BLM: variants seen among roughly 807,000 people sequenced by gnomAD.
BLM encodes the protein recQ-like DNA helicase BLM.
A neutral mutation model predicts 135.3 loss-of-function variants in BLM; 95 were observed. That is an observed-to-expected ratio of 0.70 (90% confidence interval 0.59 to 0.83). The LOEUF (loss-of-function observed/expected upper bound fraction) is 0.83. Ranked by LOEUF, BLM falls within the 40% of genes least tolerant of loss-of-function variation. The pLI, the probability that BLM is intolerant of heterozygous loss-of-function variation, is 0.00. For synonymous variants in BLM, 520 were observed against 589.2 expected (o/e 0.88, Z 1.70); for missense variants, 1,518 against 1,663.9 (o/e 0.91, Z 1.53).
intron 12 of BLM, 104 bp downstream of exon 12, chr15:90,769,690 C>T: frequency 7.4e-7 from 1 of 1,353,802 alleles, no homozygotes; most frequent in South Asian, 1.3e-5. Flanking sequence ...CACCCCACCC[C>T]CACCCCACCC....
chr15:90,764,158 A>G (rs1440324045), intron 8 of BLM, among the ~76,000 whole-genome samples: 2 of 150,724 alleles, frequency 1.3e-5, no homozygotes. Context: ...AGGGCTTCCC[A>G]TTGTCCTTTA....
Position 90,760,625 on chromosome 15 carries a change from A to C in BLM, c.1252A>C (p.Lys418Gln). The C allele has an allele frequency of 6.2e-7, 1 of 1,612,144 alleles. No homozygotes were observed. The highest frequency in any genetic ancestry group is 8.5e-7 in the Non-Finnish European group (1 of 1,178,650). The change falls in exon 7 of 22, where the codon AAA becomes CAA. Residue 418 changes from lysine to glutamine, a missense_variant. By Grantham distance (53) the Lys-to-Gln change is moderately conservative. Transcript: ENST00000355112. ...RKLLTEVDFN[K>Q]SDASLLGSLW... ...ACTTCTAACGGAAGTAGATTTTAAT[A>C]AAAGTGATGCCAGTCTTCTTGGCTC...
chr15:90,749,650 G>A lies in BLM; in HGVS notation c.382G>A (p.Val128Ile), dbSNP rs1269873284. 1 of 1,614,132 alleles carries A rather than the reference G, an allele frequency of 6.2e-7. No homozygotes were observed. The highest frequency in any genetic ancestry group is 1.7e-5 in the Admixed American group (1 of 60,018). The change falls in exon 3 of 22, where the codon GTA (valine) becomes ATA (isoleucine). Residue 128 changes from valine (V) to isoleucine (I), a missense_variant. Coordinates refer to ENST00000355112, the MANE Select transcript of BLM (RefSeq NM_000057.4). Reference sequence around the variant, plus strand: ...ATGCACTACCCAAAACACACCAACTGTAAAGAAATCCCGGGATACTGCTCT... The same window carrying A: ...ATGCACTACCCAAAACACACCAACTATAAAGAAATCCCGGGATACTGCTCT... The part of the protein sequence containing the change: ...VVCTTQNTPT[V>I]KKSRDTALKK...
chr15:90,809,554 G>T (rs901475465), intron 20 of BLM, among the ~76,000 whole-genome samples: 6 of 152,184 alleles, frequency 3.9e-5, no homozygotes. Context: ...ACCAGTTCCA[G>T]ATCTGCCACC....
At position 90,749,811 on chromosome 15, in the gene BLM, C is replaced by A. The variant is rs761288442; in HGVS notation, c.543C>A (p.Ser181Arg). Residue 181 changes from serine to arginine, a missense_variant, in exon 3 of 22, where the codon AGC (serine) becomes AGA (arginine). Ser to Arg is a moderately radical substitution (Grantham distance 110, BLOSUM62 -1). Around this residue, in one of 5 missense-constraint regions of BLM, gnomAD observed 724 missense variants for 756.9 expected, o/e 0.96. Transcript: ENST00000355112. Reference sequence around the variant, plus strand: ...CCCAAAGTCACTTTGTAAGAGTAAGCACTGCTCAGAAATCAAAAAAGGGTA... The same window carrying A: ...CCCAAAGTCACTTTGTAAGAGTAAGAACTGCTCAGAAATCAAAAAAGGGTA... ...TPPQSHFVRV[S>R]TAQKSKKGKR... 6.2e-6 allele frequency: 10 copies of A among 1,602,580 alleles called. No individual in the cohort carries two copies. In the Admixed American group the frequency reaches 1.6e-4, roughly 25 times the overall value.
chr15:90,782,213 C>T (rs1484873781), intron 12 of BLM, among the ~76,000 whole-genome samples: 2 of 152,122 alleles, frequency 1.3e-5, no homozygotes, highest in African/African-American at 4.8e-5. Flanking sequence ...CATGGTGAAA[C>T]TCTGTCTCTA....
intron 13 of BLM, among the ~76,000 whole-genome samples, chr15:90,784,327 CTTTTTTTTTTTT>C (rs769540432): frequency 1.0e-4 from 7 of 70,002 alleles, no homozygotes; most frequent in East Asian, 9.1e-4. Context: ...AATGGCTTTT[CTTTTTTTTTTTT>C]TTTTTTTTTT....
chr15:90,760,823 A>G lies in BLM; in HGVS notation c.1450A>G (p.Lys484Glu). Residue 484 changes from lysine (K) to glutamate (E), a missense_variant, in exon 7 of 22, where the codon AAG becomes GAG. By Grantham distance (56) the Lys-to-Glu change is moderately conservative. Transcript: ENST00000355112. The stretch of plus-strand genomic sequence containing the variant: ...AAAGACAGGATTCTCTGCCACCAGG[A>G]AGAATCTTTTTGAAAGGCCTTTATT... ...LGKTGFSATR[K>E]NLFERPLFNT... 6.2e-7 allele frequency: 1 copy of G among 1,614,082 alleles called. No individual in the cohort carries two copies. Among genetic ancestry groups the G allele is most frequent in the African/African-American group, 1.3e-5 (1 of 75,054 alleles).
At chr15:90,749,238 A>T (rs1379357278) in intron 2 of BLM, 129 bp from the exon 3 acceptor site, 1 of 671,090 alleles carries the variant, frequency 1.5e-6, no homozygotes, top group African/African-American at 1.8e-5. Context: ...ATCGAGAGAG[A>T]TGGATTCTTT....
At chr15:90,752,947 C>G (rs1895727063) in intron 4 of BLM, among the ~76,000 whole-genome samples, 1 of 152,170 alleles carries the variant, frequency 6.6e-6, no homozygotes, top group Non-Finnish European at 1.5e-5. Context: ...GGACTCAGAT[C>G]CAGTGTAGTG....
At chr15:90,800,169 G>C (rs392039) in intron 17 of BLM, among the ~76,000 whole-genome samples, 3 of 152,120 alleles carry the variant, frequency 2.0e-5, no homozygotes, top group Non-Finnish European at 4.4e-5. Flanking sequence ...GCATATTCTG[G>C]ACCCCTTCAG....
intron 21 of BLM, among the ~76,000 whole-genome samples, chr15:90,813,131 C>T (rs1022487209): frequency 1.3e-5 from 2 of 152,210 alleles, no homozygotes; most frequent in African/African-American, 4.8e-5. Context: ...CTGCCCACAC[C>T]TGCCCAGAGC....
intron 14 of BLM, among the ~76,000 whole-genome samples, chr15:90,788,479 T>TTTTTTTTTTTTTTTG (rs1567055127): frequency 1.5e-4 from 22 of 144,464 alleles, no homozygotes; most frequent in East Asian, 4.0e-4. Context: ...TTGTTTTTTT[T>TTTTTTTTTTTTTTTG]TTTTTTTTTT....
chr15:90,769,422 T>C lies in BLM; in HGVS notation c.2407-16T>C. 1 of 1,613,794 alleles carries C rather than the reference T, an allele frequency of 6.2e-7. No individual in the cohort carries two copies. ...CTCCAAGTAGTCTGAAAAGCAGTAT[T>C]TTTTTTTCCAACTAGTGGGGACATG... On this transcript the variant is annotated splice_polypyrimidine_tract_variant and intron_variant, in intron 11 of 21. Transcript: ENST00000355112.
rs1896650997 is a variant in BLM, at chr15:90,782,845, A to G, written c.2579A>G (p.His860Arg). The change falls in exon 13 of 22, where the codon CAT becomes CGT. Residue 860 changes from histidine to arginine, a missense_variant. His to Arg is a conservative substitution (Grantham distance 29). Coordinates refer to ENST00000355112, the MANE Select transcript of BLM (RefSeq NM_000057.4). ...AGGTTTAGCATGAGCTTTAACAGAC[A>G]TAATCTGAAATACTATGTATTACCG... The part of the protein sequence containing the change: ...PQVFSMSFNR[H>R]NLKYYVLPKK... 4 of 1,613,234 alleles carry G rather than the reference A, an allele frequency of 2.5e-6. No homozygotes were observed. Among genetic ancestry groups the G allele is most frequent in the South Asian group, 1.1e-5 (1 of 91,066 alleles).
chr15:90,758,953 CA>C (rs1432730959), intron 5 of BLM, among the ~76,000 whole-genome samples: 1 of 152,154 alleles, frequency 6.6e-6, no homozygotes, highest in Non-Finnish European at 1.5e-5. Context: ...ATCAAAACAA[CA>C]GGTAGGGCTC....
intron 19 of BLM, among the ~76,000 whole-genome samples, chr15:90,808,252 T>C (rs1897325514): frequency 6.6e-6 from 1 of 152,218 alleles, no homozygotes; most frequent in African/African-American, 2.4e-5. Flanking sequence ...CTGTCCACAG[T>C]CTCTTGCTTT....
intron 1 of BLM, among the ~76,000 whole-genome samples, chr15:90,718,067 A>G (rs1420793352): frequency 6.6e-6 from 1 of 152,168 alleles, no homozygotes; most frequent in East Asian, 1.9e-4. Context: ...CGTCTGTCAT[A>G]TGGGGGAAAT....
At chr15:90,735,254 T>TTATATAAA (rs1179107548) in intron 1 of BLM, among the ~76,000 whole-genome samples, 1 of 144,820 alleles carries the variant, frequency 6.9e-6, no homozygotes, top group African/African-American at 2.5e-5. Context: ...TATATATATA[T>TTATATAAA]ATATATATAT....
Sources: gnomAD v4.1 joint callset for allele counts (sites outside exome capture counted in the v4.1 genomes callset) on GRCh38, gnomAD v4.1.1 for gene constraint, gnomAD v4.1.1 regional missense constraint, MANE v1.5 for transcripts, NCBI Gene and HGNC (gene_info 2026-07-23, HGNC 2026-07-21) for gene names.